Variants in NT5C2 observed in about 807,000 individuals in gnomAD.
NT5C2 encodes the protein 5'-nucleotidase, cytosolic II.
Under a neutral mutation model 76.1 loss-of-function variants are expected in NT5C2, and 58 were observed. The ratio of observed to expected loss-of-function variants is 0.76; its 90% CI spans 0.62 to 0.95. NT5C2 has a LOEUF of 0.95. Among genes scored for constraint, NT5C2 ranks in the 40% least tolerant of loss-of-function variants. NT5C2 has a pLI of 0.00. For synonymous variants in NT5C2, 229 were observed against 237.4 expected, an observed-to-expected ratio of 0.96 and a Z score of 0.32; for missense variants, 478 against 690.3, an observed-to-expected ratio of 0.69 and a Z score of 3.45.
At chr10:103,145,054 G>A (rs1322316604) in intron 3 of NT5C2, among the ~76,000 whole-genome samples, 2 of 152,132 alleles carry the variant, frequency 1.3e-5, no homozygotes, top group Admixed American at 6.6e-5. Flanking sequence ...GAGGCGCAGT[G>A]TGGAATTAAA....
rs1042839396 is a variant in NT5C2 at position 103,187,513 on chromosome 10, A to G, written c.-169+5723T>C. On this transcript the variant is annotated intron_variant, in intron 1 of 18. Coordinates refer to ENST00000404739, the MANE Select transcript of NT5C2 (RefSeq NM_001351169.2). ...GTTGCAGTGAGCTGAGACTGCACCA[A>G]TGCACTTCAGCCTGGGGGGCAGAGT... 3.3e-5 allele frequency among the ~76,000 whole-genome samples: 5 copies of G among 151,180 alleles called. 1 individual carries two copies. The highest frequency in any genetic ancestry group is 4.2e-4 in the South Asian group (2 of 4,746).
chr10:103,130,565 T>TAAAAAAAAAAAAAAAATTA (rs1224739449), intron 4 of NT5C2, among the ~76,000 whole-genome samples: 1 of 96,014 alleles, frequency 1.0e-5, no homozygotes, highest in Admixed American at 1.2e-4. Context: ...AAAATAAATT[T>TAAAAAAAAAAAAAAAATTA]AAAAAAAAAA....
chr10:103,136,806 A>G (rs1163248), intron 4 of NT5C2, among the ~76,000 whole-genome samples: 124,335 of 151,752 alleles, frequency 0.82, 51,565 homozygotes, highest in African/African-American at 0.95. Context: ...TGTATTTTTT[A>G]GTAGAGATGG....
At chr10:103,148,587 G>A (rs182512562) in intron 3 of NT5C2, among the ~76,000 whole-genome samples, 1 of 146,220 alleles carries the variant, frequency 6.8e-6, no homozygotes. Context: ...CTGGGCAACA[G>A]AGTGAGACTC....
intron 8 of NT5C2, chr10:103,100,638 T>G (rs2863727): frequency 0.98 from 453,524 of 464,858 alleles, 222,106 homozygotes; most frequent in East Asian, 1. Flanking sequence ...AAATCTTGCC[T>G]GGCCTGGGAA....
chr10:103,169,804 G>A (rs1307562776), intron 3 of NT5C2, among the ~76,000 whole-genome samples: 1 of 151,912 alleles, frequency 6.6e-6, no homozygotes, highest in Non-Finnish European at 1.5e-5. Flanking sequence ...AACATAGTGA[G>A]ACCACATCTC....
intron 3 of NT5C2, among the ~76,000 whole-genome samples, chr10:103,164,090 A>T (rs924455152): frequency 6.6e-6 from 1 of 151,906 alleles, no homozygotes; most frequent in African/African-American, 2.4e-5. Flanking sequence ...AATAAAAAAT[A>T]AAAAAATAGC....
rs1245902153 is a variant in NT5C2, at chr10:103,088,235, T to C, written c.*1437A>G. 5 of 152,152 alleles carry C rather than the reference T, an allele frequency of 3.3e-5. No individual in the cohort carries two copies. Among genetic ancestry groups the C allele is most frequent in the African/African-American group, 7.2e-5 (3 of 41,450 alleles). The allele number at this position is 152,152 out of a possible 1,614,324, so 9.4% of individuals were successfully genotyped here. A position where few individuals can be genotyped will look rare whatever the true frequency, so the allele number is the denominator to read the frequency against. The stretch of plus-strand genomic sequence containing the variant: ...GACCAATGACAAGAATGGAAGAAAA[T>C]ATACAATGGTTAAAGAAAGAGTCTA... On this transcript the variant is annotated 3_prime_UTR_variant, in exon 19 of 19. Transcript: ENST00000404739.
intron 3 of NT5C2, among the ~76,000 whole-genome samples, chr10:103,161,607 C>A (rs2084905317): frequency 2.0e-5 from 3 of 151,982 alleles, no homozygotes; most frequent in African/African-American, 7.3e-5. Flanking sequence ...TGCTACAGTC[C>A]CAGCTACTCA....
chr10:103,092,419 C>A (rs2067168580), intron 15 of NT5C2, among the ~76,000 whole-genome samples: 1 of 152,156 alleles, frequency 6.6e-6, no homozygotes, highest in Admixed American at 6.6e-5. Context: ...TAGGTATTAT[C>A]CCCATTTTTA....
chr10:103,136,447 T>C (rs2079253661), intron 4 of NT5C2, among the ~76,000 whole-genome samples: 1 of 152,190 alleles, frequency 6.6e-6, no homozygotes, highest in Non-Finnish European at 1.5e-5. Flanking sequence ...ATAAAGCACT[T>C]GGAACGGGTC....
intron 4 of NT5C2, among the ~76,000 whole-genome samples, chr10:103,122,683 T>C (rs1184106622): frequency 6.6e-6 from 1 of 152,200 alleles, no homozygotes; most frequent in Non-Finnish European, 1.5e-5. Flanking sequence ...GGAAGAATTT[T>C]TCTCACCTTC....
At chr10:103,121,742 GT>G (rs2075711372) in intron 4 of NT5C2, among the ~76,000 whole-genome samples, 1 of 152,126 alleles carries the variant, frequency 6.6e-6, no homozygotes, top group African/African-American at 2.4e-5. Flanking sequence ...AAGTGCTTAG[GT>G]TTGGGATAAC....
At chr10:103,159,801 A>C (rs1466482038) in intron 3 of NT5C2, among the ~76,000 whole-genome samples, 1 of 152,224 alleles carries the variant, frequency 6.6e-6, no homozygotes, top group Non-Finnish European at 1.5e-5. Context: ...CATGGATCAA[A>C]ACACTTAATA....
chr10:103,173,613 A>G (rs1253528446), intron 3 of NT5C2, among the ~76,000 whole-genome samples: 1 of 135,886 alleles, frequency 7.4e-6, no homozygotes, highest in Non-Finnish European at 1.6e-5. Context: ...CGCCGTCTCA[A>G]AAAAAAAAAA....
At chr10:103,188,208 A>T (rs976538324) in intron 1 of NT5C2, among the ~76,000 whole-genome samples, 1 of 152,156 alleles carries the variant, frequency 6.6e-6, no homozygotes, top group African/African-American at 2.4e-5. Flanking sequence ...ATACAAAAAA[A>T]TTAGCCAGGC....
chr10:103,178,954 C>CTTTTTTTTTTTTTTTTTTTTTTTT (rs758982511), intron 2 of NT5C2, among the ~76,000 whole-genome samples: 13 of 128,478 alleles, frequency 1.0e-4, no homozygotes, highest in South Asian at 2.5e-4. Context: ...TTCTTTTTTT[C>CTTTTTTTTTTTTTTTTTTTTTTTT]TTTTTTTTTT....
intron 3 of NT5C2, among the ~76,000 whole-genome samples, chr10:103,171,653 T>C (rs572682787): frequency 6.6e-6 from 1 of 152,290 alleles, no homozygotes; most frequent in South Asian, 2.1e-4. Flanking sequence ...AATTTCTTCT[T>C]AAAAATAAAT....
chr10:103,108,848 TTTTTTC>T lies in NT5C2; in HGVS notation c.176-2148_176-2143del, dbSNP rs375927154. On this transcript the variant is annotated intron_variant, in intron 4 of 18. Transcript: ENST00000404739. ...CCAATGCTAACCCTGGCTAACTTTT[TTTTTTC>T]TTTTTCTTTTTCTTTTTTTCTGAGT... 1.4e-3 allele frequency among the ~76,000 whole-genome samples: 212 copies of T among 152,188 alleles called. 1 individual carries two copies. The highest frequency in any genetic ancestry group is 4.4e-3 in the African/African-American group (184 of 41,508).
Sources: allele counts gnomAD v4.1 joint callset (sites outside exome capture counted in the v4.1 genomes callset), GRCh38; gene constraint gnomAD v4.1.1; transcripts MANE v1.5; gene names NCBI Gene and HGNC (gene_info 2026-07-23, HGNC 2026-07-21).